ADAM20: variants seen among roughly 807,000 people sequenced by gnomAD.
ADAM20 encodes disintegrin and metalloproteinase domain-containing protein 20.
For synonymous variants in ADAM20, 305 were observed against 310.2 expected, an observed-to-expected ratio of 0.98 and a Z score of 0.18; for missense variants, 871 against 883.2, an observed-to-expected ratio of 0.99 and a Z score of 0.18.
chr14:70,544,796 T>C, the ADAM20 span, among the ~76,000 whole-genome samples: 9 of 152,122 alleles, frequency 5.9e-5, no homozygotes, highest in African/African-American at 2.2e-4. Context: ...CATCACACTA[T>C]ATCCCATAAA....
chr14:70,573,748 G>A, the ADAM20 span, among the ~76,000 whole-genome samples: 2 of 152,110 alleles, frequency 1.3e-5, no homozygotes, highest in African/African-American at 4.8e-5. Context: ...TCTTATATCA[G>A]ACAAAATGGA....
At chr14:70,559,108 A>C in the ADAM20 span, among the ~76,000 whole-genome samples, 1 of 152,148 alleles carries the variant, frequency 6.6e-6, no homozygotes, top group Non-Finnish European at 1.5e-5. Context: ...ATTCAACCTA[A>C]AAACTGCCTA....
the ADAM20 span, among the ~76,000 whole-genome samples, chr14:70,566,977 C>T: frequency 2.6e-5 from 4 of 151,694 alleles, no homozygotes; most frequent in African/African-American, 2.4e-5. Flanking sequence ...AGCGATACTC[C>T]GTTCAAAAAA....
At chr14:70,578,725 A>C in the ADAM20 span, among the ~76,000 whole-genome samples, 684 of 152,270 alleles carry the variant, frequency 4.5e-3, 11 homozygotes, top group African/African-American at 0.016. Flanking sequence ...CAGGAGGTAC[A>C]CATGGGGGTT....
chr14:70,527,265 T>A (rs1883609898), intron 1 of ADAM20, among the ~76,000 whole-genome samples: 1 of 152,156 alleles, frequency 6.6e-6, no homozygotes, highest in Non-Finnish European at 1.5e-5. Context: ...TGGATTCAAT[T>A]TCAGTGAAAG....
upstream of ADAM20, among the ~76,000 whole-genome samples, chr14:70,536,772 C>T (rs1393822789): frequency 6.6e-6 from 1 of 151,932 alleles, no homozygotes; most frequent in Non-Finnish European, 1.5e-5. Flanking sequence ...CCAAGATAAC[C>T]TCCCCTCCAG....
chr14:70,523,839 T>A lies in ADAM20; in HGVS notation c.919A>T (p.Lys307Ter), dbSNP rs760542631. The change falls in exon 2 of 2, where the codon AAG becomes TAG. Residue 307 changes from lysine to a stop codon, truncating the protein, a stop_gained. Transcript: ENST00000256389. LOFTEE classifies it low-confidence loss of function (END_TRUNC). ...CCTTTAACATAGGCAACACCAAGCT[T>A]CATGCCTTGTGTGTCTTTTATGAAA... ...HLFIKDTQGM[K>*]LGVAYVKGIC... 6.2e-7 allele frequency: 1 copy of A among 1,614,024 alleles called. No homozygotes were observed. Among genetic ancestry groups the A allele is most frequent in the East Asian group, 2.2e-5 (1 of 44,886 alleles).
At chr14:70,536,563 G>T (rs2139545401), upstream of ADAM20, among the ~76,000 whole-genome samples, 1 of 148,572 alleles carries the variant, frequency 6.7e-6, no homozygotes, top group East Asian at 2.0e-4. Flanking sequence ...ACTACAAAGA[G>T]CTATTTACAG....
At chr14:70,560,557 A>G in the ADAM20 span, among the ~76,000 whole-genome samples, 1 of 152,134 alleles carries the variant, frequency 6.6e-6, no homozygotes, top group Non-Finnish European at 1.5e-5. Context: ...ATCAGAAAAC[A>G]TATGGTTTAG....
the ADAM20 span, among the ~76,000 whole-genome samples, chr14:70,568,815 A>G: frequency 6.6e-6 from 1 of 152,248 alleles, no homozygotes; most frequent in East Asian, 1.9e-4. Flanking sequence ...TAACCCAGAT[A>G]AAGCAAAAAA....
At chr14:70,562,590 G>A in the ADAM20 span, among the ~76,000 whole-genome samples, 1 of 152,138 alleles carries the variant, frequency 6.6e-6, no homozygotes, top group Non-Finnish European at 1.5e-5. Flanking sequence ...GGCTTGGTTG[G>A]AGGTGACTGG....
At chr14:70,579,297 CCCA>C in the ADAM20 span, among the ~76,000 whole-genome samples, 3 of 152,112 alleles carry the variant, frequency 2.0e-5, no homozygotes, top group Non-Finnish European at 4.4e-5. Flanking sequence ...AATTTACATT[CCCA>C]CCAAGTGTGT....
At chr14:70,574,222 C>T in the ADAM20 span, among the ~76,000 whole-genome samples, 1 of 152,106 alleles carries the variant, frequency 6.6e-6, no homozygotes, top group Admixed American at 6.6e-5. Context: ...ATTAATACTC[C>T]TGAACTACCA....
the ADAM20 span, among the ~76,000 whole-genome samples, chr14:70,566,207 C>A: frequency 6.6e-6 from 1 of 151,974 alleles, no homozygotes; most frequent in Non-Finnish European, 1.5e-5. Context: ...TCACTTTTAA[C>A]CCTAATATAA....
In ADAM20 at chr14:70,522,414, G is replaced by C. The variant is rs1883469685; in HGVS notation, c.*163C>G. 1.4e-6 allele frequency: 1 copy of C among 720,208 alleles called. No homozygotes were observed. Among genetic ancestry groups the C allele is most frequent in the Non-Finnish European group, 2.2e-6 (1 of 451,146 alleles). 44.6% of individuals were successfully genotyped at this position (720,208 alleles called of 1,614,324 possible). On this transcript the variant is annotated 3_prime_UTR_variant, in exon 2 of 2. Coordinates refer to ENST00000256389, the MANE Select transcript of ADAM20 (RefSeq NM_003814.5). ...AGACACTGTAGAGTAAGTAAGAATA[G>C]GCTAGGAATCCTTTGCTGTGATAGC...
At chr14:70,556,785 C>T in the ADAM20 span, 12 of 152,296 alleles carry the variant, frequency 7.9e-5, no homozygotes, top group Middle Eastern at 3.4e-3. Flanking sequence ...TACACAGGTT[C>T]TGCAGGGCCA....
At chr14:70,558,166 T>C in the ADAM20 span, among the ~76,000 whole-genome samples, 2 of 152,060 alleles carry the variant, frequency 1.3e-5, no homozygotes, top group African/African-American at 4.8e-5. Flanking sequence ...GGAGAAATGG[T>C]AGAAGCAATC....
the ADAM20 span, among the ~76,000 whole-genome samples, chr14:70,561,329 A>G: frequency 6.6e-6 from 1 of 152,274 alleles, no homozygotes. Flanking sequence ...GGCTGTTTCT[A>G]AAAGTGTATG....
At chr14:70,554,277 G>C in the ADAM20 span, among the ~76,000 whole-genome samples, 1 of 152,130 alleles carries the variant, frequency 6.6e-6, no homozygotes, top group Non-Finnish European at 1.5e-5. Context: ...CGCTGTTGGT[G>C]GGAATGTAAA....
Sources: allele counts gnomAD v4.1 joint callset (sites outside exome capture counted in the v4.1 genomes callset), GRCh38; gene constraint gnomAD v4.1.1; transcripts MANE v1.5; gene names NCBI Gene and HGNC (gene_info 2026-07-23, HGNC 2026-07-21).